Variants in NRDC observed in about 807,000 individuals in gnomAD.
NRDC encodes the protein nardilysin.
Under a neutral mutation model 147.1 loss-of-function variants are expected in NRDC, and 54 were observed. That is an observed-to-expected ratio of 0.37 (90% confidence interval 0.29 to 0.46). NRDC has a LOEUF of 0.46. Ranked by LOEUF, NRDC falls within the 20% of genes least tolerant of loss-of-function variation. The pLI is 1.00. For synonymous variants in NRDC, 440 were observed against 482.1 expected (o/e 0.91, Z 1.14); for missense variants, 1,082 against 1,370.6 (o/e 0.79, Z 3.33).
At position 51,789,667 on chromosome 1, in the gene NRDC, GA is replaced by G; in HGVS notation, c.3169-11del. On this transcript the variant is annotated splice_polypyrimidine_tract_variant and intron_variant, in intron 29 of 30. Transcript: ENST00000352171. The stretch of plus-strand genomic sequence containing the variant: ...ACTTCAGTGCTTCAATCTTACAAGG[GA>G]AGGGAAGATAGGAAAGAAATTCAAG... 1 of 1,592,332 alleles carries G rather than the reference GA, an allele frequency of 6.3e-7. No individual in the cohort carries two copies. Among genetic ancestry groups the G allele is most frequent in the Non-Finnish European group, 8.6e-7 (1 of 1,160,310 alleles).
intron 1 of NRDC, among the ~76,000 whole-genome samples, chr1:51,847,374 G>A (rs143821077): frequency 7.0e-4 from 107 of 152,348 alleles, no homozygotes; most frequent in Middle Eastern, 6.8e-3. Flanking sequence ...CCTGCCTTGC[G>A]CCCGCACTCC....
intron 20 of NRDC, chr1:51,801,344 T>A (rs1467759861): frequency 6.6e-6 from 1 of 152,208 alleles, no homozygotes; most frequent in Non-Finnish European, 1.5e-5. Context: ...AGAGCCTCGC[T>A]ATATCGCACA....
chr1:51,842,231 G>GTT (rs1288672336), intron 1 of NRDC, among the ~76,000 whole-genome samples: 5 of 141,004 alleles, frequency 3.5e-5, no homozygotes, highest in South Asian at 2.2e-4. Context: ...AAAATGTTTG[G>GTT]TTTTTTTTTT....
chr1:51,821,594 A>C, intron 7 of NRDC, 39 bp from the exon 8 acceptor site: 1 of 1,321,316 alleles, frequency 7.6e-7, no homozygotes. Flanking sequence ...GGAAAATGCA[A>C]TGACATTATT....
intron 1 of NRDC, among the ~76,000 whole-genome samples, chr1:51,846,424 A>G (rs1472075349): frequency 6.6e-6 from 1 of 152,150 alleles, no homozygotes; most frequent in East Asian, 1.9e-4. Context: ...GACACTTTAT[A>G]ATTCTTAAAA....
Position 51,814,694 on chromosome 1 carries a change from T to C in NRDC, c.1559A>G (p.Glu520Gly). ...LTDEGYEHFYEVAYTVFQYLK... is the reference protein window; with the variant it reads ...LTDEGYEHFYGVAYTVFQYLK... ...AACAACTGAATTTGAATTATTTACCTCATAAAAATGTTCATAACCCTCATC... is the reference window on the plus strand; with the variant it reads ...AACAACTGAATTTGAATTATTTACCCCATAAAAATGTTCATAACCCTCATC... The change falls in exon 12 of 31, where the codon GAG becomes GGG. Residue 520 changes from glutamate to glycine, a missense_variant and splice_region_variant. Transcript: ENST00000352171. 2 of 1,606,626 alleles carry C rather than the reference T, an allele frequency of 1.2e-6. No individual in the cohort carries two copies. The highest frequency in any genetic ancestry group is 1.7e-6 in the Non-Finnish European group (2 of 1,175,634).
At chr1:51,838,742 C>A (rs892301189) in intron 2 of NRDC, among the ~76,000 whole-genome samples, 1 of 151,786 alleles carries the variant, frequency 6.6e-6, no homozygotes, top group African/African-American at 2.4e-5. Context: ...TTTTTTGTGA[C>A]TTTTATAATT....
At chr1:51,835,357 G>A (rs533717913) in intron 3 of NRDC, among the ~76,000 whole-genome samples, 206 of 151,470 alleles carry the variant, frequency 1.4e-3, no homozygotes, top group African/African-American at 4.7e-3. Flanking sequence ...CACCGCGCCC[G>A]GCCCCGTGTA....
chr1:51,792,604 G>A (rs1678709220), intron 24 of NRDC, among the ~76,000 whole-genome samples, 180 bp from the exon 25 acceptor site: 1 of 152,152 alleles, frequency 6.6e-6, no homozygotes, highest in East Asian at 1.9e-4. Context: ...GGTCTATGAG[G>A]ACAGGAGTCA....
intron 21 of NRDC, 28 bp from the exon 22 acceptor site, chr1:51,798,439 CAA>C: frequency 6.5e-7 from 1 of 1,547,906 alleles, no homozygotes; most frequent in East Asian, 2.3e-5. Flanking sequence ...AAAAAACACT[CAA>C]AGTTTTGTTA....
At chr1:51,809,281 A>G (rs767711856) in intron 17 of NRDC, 34 bp downstream of exon 17, 25 of 1,405,424 alleles carry the variant, frequency 1.8e-5, no homozygotes, top group South Asian at 1.4e-4. Context: ...TAGCACATGG[A>G]TGGATTATGT....
At chr1:51,815,113 C>G (rs896915541) in intron 11 of NRDC, among the ~76,000 whole-genome samples, 6 of 151,546 alleles carry the variant, frequency 4.0e-5, no homozygotes, top group Admixed American at 3.9e-4. Flanking sequence ...CAAAACCATT[C>G]CTTTTGAAGA....
intron 2 of NRDC, among the ~76,000 whole-genome samples, chr1:51,839,250 C>G (rs1417072662): frequency 2.7e-5 from 4 of 149,454 alleles, no homozygotes; most frequent in South Asian, 2.1e-4. Context: ...ACCTTAACCT[C>G]CCTGGGCTCA....
chr1:51,802,192 G>A (rs1321905961), intron 20 of NRDC, among the ~76,000 whole-genome samples: 1 of 151,964 alleles, frequency 6.6e-6, no homozygotes, highest in Non-Finnish European at 1.5e-5. Context: ...TCATACAGTG[G>A]CTCTCCTTTG....
intron 1 of NRDC, among the ~76,000 whole-genome samples, chr1:51,842,061 A>G (rs1412982355): frequency 6.6e-6 from 1 of 152,134 alleles, no homozygotes; most frequent in Non-Finnish European, 1.5e-5. Flanking sequence ...AGTCCCATCT[A>G]CTTAGGAGGC....
chr1:51,824,122 C>CTTT (rs11341489), intron 6 of NRDC, among the ~76,000 whole-genome samples: 2 of 132,032 alleles, frequency 1.5e-5, no homozygotes, highest in Non-Finnish European at 3.3e-5. Flanking sequence ...TTGCCTAATT[C>CTTT]TTTTTTTTTT....
intron 22 of NRDC, among the ~76,000 whole-genome samples, chr1:51,797,753 A>G (rs1456059784): frequency 6.6e-6 from 1 of 151,892 alleles, no homozygotes; most frequent in Non-Finnish European, 1.5e-5. Context: ...CCAGCAATCT[A>G]TTTTTCTCTC....
intron 14 of NRDC, among the ~76,000 whole-genome samples, chr1:51,812,731 A>C (rs554670334): frequency 6.6e-6 from 1 of 152,278 alleles, no homozygotes; most frequent in Non-Finnish European, 1.5e-5. Context: ...AGCAATAAAG[A>C]CAGGCAACCT....
chr1:51,805,893 A>T (rs1471712690), intron 18 of NRDC, among the ~76,000 whole-genome samples: 8 of 152,188 alleles, frequency 5.3e-5, no homozygotes, highest in Non-Finnish European at 1.0e-4. Flanking sequence ...TCCAGCATTC[A>T]CACAAATTTA....
Sources: gnomAD v4.1 joint callset for allele counts (sites outside exome capture counted in the v4.1 genomes callset) on GRCh38, gnomAD v4.1.1 for gene constraint, MANE v1.5 for transcripts, NCBI Gene and HGNC (gene_info 2026-07-23, HGNC 2026-07-21) for gene names.